DLG2: variants seen among roughly 807,000 people sequenced by gnomAD.
DLG2 encodes the protein discs large MAGUK scaffold protein 2.
In DLG2, 45 loss-of-function variants were observed where a neutral mutation model predicts 132.5. That is an observed-to-expected ratio of 0.34 (90% CI 0.27 to 0.44). The LOEUF is 0.44. Ranked by LOEUF, DLG2 falls within the 20% of genes least tolerant of loss-of-function variation. The pLI is 1.00. For synonymous variants in DLG2, 424 were observed against 419.6 expected (o/e 1.01, Z -0.13); for missense variants, 1,045 against 1,196.9 (o/e 0.87, Z 1.87).
At chr11:84,016,116 C>T (rs576931591) in intron 11 of DLG2, among the ~76,000 whole-genome samples, 4 of 152,070 alleles carry the variant, frequency 2.6e-5, no homozygotes, top group South Asian at 2.1e-4. Flanking sequence ...TTTTTATTTG[C>T]GTTTCTCTAA....
intron 6 of DLG2, among the ~76,000 whole-genome samples, chr11:85,025,753 C>T (rs1297082381): frequency 1.3e-5 from 2 of 152,050 alleles, no homozygotes; most frequent in African/African-American, 4.8e-5. Context: ...TTAAATCTTA[C>T]TTAAACACTA....
chr11:84,743,387 G>A (rs1597112837), intron 6 of DLG2, among the ~76,000 whole-genome samples: 1 of 151,886 alleles, frequency 6.6e-6, no homozygotes, highest in Admixed American at 6.6e-5. Context: ...TCTTTAGTAA[G>A]AATTTTTTTT....
chr11:83,830,251 T>C (rs1395033888), intron 17 of DLG2, among the ~76,000 whole-genome samples: 2 of 152,256 alleles, frequency 1.3e-5, no homozygotes, highest in African/African-American at 4.8e-5. Context: ...AAGACGACTA[T>C]AATTCTGATT....
At chr11:84,991,523 A>AAAAAAAAAG (rs1555331856) in intron 6 of DLG2, among the ~76,000 whole-genome samples, 5 of 116,308 alleles carry the variant, frequency 4.3e-5, no homozygotes, top group Admixed American at 9.4e-5. Context: ...AAAAAAAAAA[A>AAAAAAAAAG]AAAGAAAGAA....
At chr11:83,831,554 GAA>G (rs2054527557) in intron 17 of DLG2, among the ~76,000 whole-genome samples, 1 of 151,800 alleles carries the variant, frequency 6.6e-6, no homozygotes, top group African/African-American at 2.4e-5. Context: ...GAGAGAGAGA[GAA>G]AGAGAGAGAG....
chr11:83,545,447 C>T (rs949814386), intron 19 of DLG2, among the ~76,000 whole-genome samples: 4 of 152,116 alleles, frequency 2.6e-5, no homozygotes, highest in Admixed American at 2.6e-4. Context: ...AAGCTGTTTT[C>T]TGGACTATGT....
At chr11:83,478,688 C>A (rs950486921) in intron 22 of DLG2, among the ~76,000 whole-genome samples, 1 of 151,838 alleles carries the variant, frequency 6.6e-6, no homozygotes, top group Admixed American at 6.6e-5. Flanking sequence ...ATATATTTTC[C>A]ATTAAAAGAA....
intron 9 of DLG2, among the ~76,000 whole-genome samples, chr11:84,128,096 T>C (rs775352790): frequency 9.2e-5 from 14 of 152,172 alleles, no homozygotes; most frequent in Non-Finnish European, 1.8e-4. Context: ...GGGCATAAAA[T>C]CGTAGCAGCC....
intron 7 of DLG2, among the ~76,000 whole-genome samples, chr11:84,271,500 G>A (rs1567138843): frequency 1.3e-5 from 2 of 152,110 alleles, no homozygotes. Context: ...TCTCCAGATG[G>A]ACTTTAATAG....
At chr11:83,885,417 G>A (rs10792696) in intron 15 of DLG2, among the ~76,000 whole-genome samples, 37,625 of 152,056 alleles carry the variant, frequency 0.25, 4,819 homozygotes, top group East Asian at 0.38. Flanking sequence ...AAAAAGAAAC[G>A]AACAAAGCCT....
At chr11:84,351,553 A>C (rs1398980386) in intron 7 of DLG2, among the ~76,000 whole-genome samples, 1 of 152,174 alleles carries the variant, frequency 6.6e-6, no homozygotes, top group Non-Finnish European at 1.5e-5. Flanking sequence ...TACATTCTTC[A>C]TGGGTCTGTG....
chr11:83,626,857 G>A (rs927069287), intron 19 of DLG2, among the ~76,000 whole-genome samples: 2 of 152,164 alleles, frequency 1.3e-5, no homozygotes, highest in Non-Finnish European at 2.9e-5. Flanking sequence ...ATGCTGATGA[G>A]TTGACAGAGC....
At chr11:84,034,610 A>T (rs1249934316) in intron 11 of DLG2, among the ~76,000 whole-genome samples, 1 of 152,168 alleles carries the variant, frequency 6.6e-6, no homozygotes, top group African/African-American at 2.4e-5. Context: ...TTTAGAATGG[A>T]TGAGCAATGT....
intron 9 of DLG2, among the ~76,000 whole-genome samples, chr11:84,135,026 C>T (rs2094552650): frequency 6.6e-6 from 1 of 152,040 alleles, no homozygotes; most frequent in Admixed American, 6.6e-5. Context: ...TATTCCATTT[C>T]ATTTATTACT....
chr11:84,487,687 A>G (rs2099154435), intron 7 of DLG2, among the ~76,000 whole-genome samples: 1 of 152,132 alleles, frequency 6.6e-6, no homozygotes, highest in Non-Finnish European at 1.5e-5. Context: ...TAAGAGAAAT[A>G]CAGAGATAAC....
At chr11:84,011,361 C>T (rs1332751677) in intron 11 of DLG2, among the ~76,000 whole-genome samples, 1 of 151,972 alleles carries the variant, frequency 6.6e-6, no homozygotes, top group Non-Finnish European at 1.5e-5. Flanking sequence ...GTTCCAGCTA[C>T]TCTGGAGGCT....
At chr11:84,629,446 A>C (rs1209728362) in intron 6 of DLG2, among the ~76,000 whole-genome samples, 3 of 152,216 alleles carry the variant, frequency 2.0e-5, no homozygotes, top group Admixed American at 2.0e-4. Context: ...CAGCATCTCC[A>C]AGCTCTTGAA....
In DLG2 at chr11:84,600,236, CAGAA is replaced by C. The variant is rs1565420673; in HGVS notation, c.358-65509_358-65506del. ...AGAAAGAAAGAAAGAGAAAGAAAGACAGAAAAGCAAGCAAGCAAGCAGGCAGGCA... is the reference window on the plus strand; with the variant it reads ...AGAAAGAAAGAAAGAGAAAGAAAGACAAGCAAGCAAGCAAGCAGGCAGGCA... On this transcript the variant is annotated intron_variant, in intron 6 of 27. Coordinates refer to ENST00000376104, the MANE Select transcript of DLG2 (RefSeq NM_001142699.3). Among the ~76,000 whole-genome samples the C allele has an allele frequency of 2.2e-3, 287 of 132,164 alleles. 8 individuals are homozygous for C. The highest frequency in any genetic ancestry group is 4.7e-3 in the African/African-American group (148 of 31,628). The allele number at this position is 132,164 out of a possible 152,430, so 86.7% of individuals were successfully genotyped here.
chr11:84,976,984 C>T (rs2054996732), intron 6 of DLG2, among the ~76,000 whole-genome samples: 1 of 152,156 alleles, frequency 6.6e-6, no homozygotes, highest in Non-Finnish European at 1.5e-5. Context: ...CCCAATTCCT[C>T]TACAAACCGG....
Sources: gnomAD v4.1 joint callset for allele counts (sites outside exome capture counted in the v4.1 genomes callset) on GRCh38, gnomAD v4.1.1 for gene constraint, MANE v1.5 for transcripts, NCBI Gene and HGNC (gene_info 2026-07-23, HGNC 2026-07-21) for gene names.